Variants in ZNF134 observed in about 807,000 individuals in gnomAD.
The protein encoded by ZNF134 is zinc finger protein 134.
In ZNF134, 5 loss-of-function variants were observed where a neutral mutation model predicts 2.5. That is an observed-to-expected ratio of 2.03 (90% CI 1.06 to 4.27). The LOEUF (loss-of-function observed/expected upper bound fraction) is 4.27. ZNF134 is among the 30% of genes most tolerant of loss of function. The pLI is 0.00. For synonymous variants in ZNF134, 176 were observed against 176.2 expected, an observed-to-expected ratio of 1.00 and a Z score of 0.01; for missense variants, 540 against 517.5, an observed-to-expected ratio of 1.04 and a Z score of -0.42.
chr19:57,615,188 G>C (rs1322617313), intron 1 of ZNF134, among the ~76,000 whole-genome samples: 1 of 152,078 alleles, frequency 6.6e-6, no homozygotes, highest in Non-Finnish European at 1.5e-5. Context: ...TTTTGGACTT[G>C]GTGAATCTAA....
intron 2 of ZNF134, 36 bp from the exon 3 acceptor site, chr19:57,620,124 T>G: frequency 6.3e-7 from 1 of 1,585,716 alleles, no homozygotes; most frequent in Non-Finnish European, 8.6e-7. Flanking sequence ...CCCACCAAAG[T>G]CAGCATGTAC....
At chr19:57,616,193 C>T (rs1477186096) in intron 1 of ZNF134, among the ~76,000 whole-genome samples, 2 of 152,208 alleles carry the variant, frequency 1.3e-5, no homozygotes, top group East Asian at 1.9e-4. Flanking sequence ...TGAAGGATCA[C>T]TGCAGCTCCC....
rs1208626995 is a variant in ZNF134 at position 57,621,221 on chromosome 19, G to C, written c.1102G>C (p.Gly368Arg). 6.2e-7 allele frequency: 1 copy of C among 1,614,054 alleles called. No individual in the cohort carries two copies. Among genetic ancestry groups the C allele is most frequent in the African/African-American group, 1.3e-5 (1 of 74,906 alleles). ...TATTGCACACCAGAGGGTTCACACT[G>C]GTGAAAGGCCTTTTGTGTGCAGTAA... ...DYIAHQRVHT[G>R]ERPFVCSKCG... The change falls in exon 3 of 3, where the codon GGT becomes CGT. Residue 368 changes from glycine to arginine, a missense_variant. Transcript: ENST00000396161.
chr19:57,616,616 G>A (rs778454480), intron 1 of ZNF134, among the ~76,000 whole-genome samples: 63 of 152,190 alleles, frequency 4.1e-4, no homozygotes, highest in Non-Finnish European at 1.3e-4. Flanking sequence ...CCAGCACTGA[G>A]ATCTGAGTAT....
At position 57,621,325 on chromosome 19, in the gene ZNF134, C is replaced by T; in HGVS notation, c.1206C>T (p.Cys402=). The T allele has an allele frequency of 6.2e-7, 1 of 1,614,186 alleles. No homozygotes were observed. Among genetic ancestry groups the T allele is most frequent in the East Asian group, 2.2e-5 (1 of 44,884 alleles). The change falls in exon 3 of 3, where the codon TGC becomes TGT. Residue 402 remains cysteine (C), a synonymous_variant. Coordinates refer to ENST00000396161, the MANE Select transcript of ZNF134 (RefSeq NM_003435.5). ...ACACTGGAGAAAGGCCATATGAGTGCAGTGAATGTGGGAAGGCCTACAGCT... is the reference window on the plus strand; with the variant it reads ...ACACTGGAGAAAGGCCATATGAGTGTAGTGAATGTGGGAAGGCCTACAGCT... ...RVHTGERPYE[C]SECGKAYSLS... is the part of the protein sequence containing the mutation.
chr19:57,616,825 C>T (rs1383577968), intron 1 of ZNF134, among the ~76,000 whole-genome samples: 1 of 152,128 alleles, frequency 6.6e-6, no homozygotes, highest in Non-Finnish European at 1.5e-5. Context: ...CCTCACTTAG[C>T]CCAACACACC....
intron 1 of ZNF134, among the ~76,000 whole-genome samples, chr19:57,615,686 A>G (rs1466259232): frequency 2.0e-5 from 3 of 152,170 alleles, no homozygotes; most frequent in Non-Finnish European, 4.4e-5. Context: ...GGACCGCTTA[A>G]TCTAAGCTGA....
intron 1 of ZNF134, among the ~76,000 whole-genome samples, chr19:57,618,536 C>A (rs1214462997): frequency 1.3e-5 from 2 of 152,174 alleles, no homozygotes; most frequent in Non-Finnish European, 2.9e-5. Context: ...CCCCAGGGAG[C>A]TGGCTGATAG....
intron 1 of ZNF134, among the ~76,000 whole-genome samples, chr19:57,615,572 T>C (rs1981028244): frequency 1.3e-5 from 2 of 152,132 alleles, no homozygotes; most frequent in Non-Finnish European, 2.9e-5. Flanking sequence ...CTGCCTGTGT[T>C]AATCACGATC....
chr19:57,621,267 G>A lies in ZNF134; in HGVS notation c.1148G>A (p.Arg383Lys). The A allele has an allele frequency of 6.2e-7, 1 of 1,613,910 alleles. No individual in the cohort carries two copies. Among genetic ancestry groups the A allele is most frequent in the Non-Finnish European group, 8.5e-7 (1 of 1,179,988 alleles). ...VCSKCGKDFI[R>K]TSHLVRHQRV... ...AGTAAATGTGGGAAAGACTTTATCA[G>A]AACCTCCCACCTTGTTCGACACCAA... The change falls in exon 3 of 3, where the codon AGA becomes AAA. Residue 383 changes from arginine to lysine, a missense_variant. Physicochemically the swap from Arg to Lys is conservative, Grantham distance 26. Coordinates refer to ENST00000396161, the MANE Select transcript of ZNF134 (RefSeq NM_003435.5).
In ZNF134 at chr19:57,620,546, G is replaced by C. The variant is rs1453384598; in HGVS notation, c.427G>C (p.Ala143Pro). The C allele has an allele frequency of 6.2e-7, 1 of 1,614,200 alleles. No homozygotes were observed. Among genetic ancestry groups the C allele is most frequent in the Non-Finnish European group, 8.5e-7 (1 of 1,180,044 alleles). ...TAAGGAGGAGCAGAAAAACTTCCAG[G>C]CTACTTTGGGTGGCTGCCAACAAAA... is the stretch of plus-strand genomic sequence containing the variant. ...TCKEEQKNFQ[A>P]TLGGCQQKAI... The change falls in exon 3 of 3, where the codon GCT becomes CCT. Residue 143 changes from alanine to proline, a missense_variant. Coordinates refer to ENST00000396161, the MANE Select transcript of ZNF134 (RefSeq NM_003435.5).
At chr19:57,619,536 C>T in intron 2 of ZNF134, 28 bp downstream of exon 2, 1 of 1,580,588 alleles carries the variant, frequency 6.3e-7, no homozygotes, top group Middle Eastern at 1.7e-4. Flanking sequence ...GACGCCATAA[C>T]CTCAGGGCTG....
Position 57,614,463 on chromosome 19 carries a change from G to A in ZNF134, c.-98G>A, listed in dbSNP as rs1034156898. On this transcript the variant is annotated 5_prime_UTR_variant, in exon 1 of 3. Coordinates refer to ENST00000396161, the MANE Select transcript of ZNF134 (RefSeq NM_003435.5). ...CCCCTCGCGGCTCCGGGTGGTCTAC[G>A]AACTGTGATGGCGGCGGCCGCGGTG... The A allele has an allele frequency of 5.9e-5, 25 of 422,298 alleles. No individual in the cohort carries two copies. Among genetic ancestry groups the A allele is most frequent in the African/African-American group, 5.0e-4 (24 of 48,368 alleles). 26.2% of individuals were successfully genotyped at this position (422,298 alleles called of 1,614,324 possible). A position where few individuals can be genotyped will look rare whatever the true frequency, so the allele number is the denominator to read the frequency against.
Position 57,621,667 on chromosome 19 carries a change from GA to G in ZNF134, c.*267del. The G allele has an allele frequency of 1.6e-6, 1 of 619,160 alleles. No individual in the cohort carries two copies. The highest frequency in any genetic ancestry group is 1.6e-5 in the South Asian group (1 of 61,198). 38.4% of individuals were successfully genotyped at this position (619,160 alleles called of 1,614,324 possible). A position where few individuals can be genotyped will look rare whatever the true frequency, so the allele number is the denominator to read the frequency against. On this transcript the variant is annotated 3_prime_UTR_variant, in exon 3 of 3. Coordinates refer to ENST00000396161, the MANE Select transcript of ZNF134 (RefSeq NM_003435.5). Reference sequence around the variant, plus strand: ...TTGTCCAGTCCCTGGAGAAAATCATGAAATGCCTGAGTTCATTGGGGGTCCT... The same window carrying G: ...TTGTCCAGTCCCTGGAGAAAATCATGAATGCCTGAGTTCATTGGGGGTCCT...
chr19:57,615,565 C>T (rs921945005), intron 1 of ZNF134, among the ~76,000 whole-genome samples: 3 of 152,064 alleles, frequency 2.0e-5, no homozygotes, highest in South Asian at 4.1e-4. Context: ...AAGTGTGCTG[C>T]CTGTGTTAAT....
chr19:57,619,303 C>T (rs1325646619), intron 1 of ZNF134, 109 bp from the exon 2 acceptor site: 6 of 867,582 alleles, frequency 6.9e-6, no homozygotes, highest in Non-Finnish European at 1.1e-5. Flanking sequence ...GGACAATTTT[C>T]TGAGGTTCAT....
chr19:57,620,215 AGC>A lies in ZNF134; in HGVS notation c.97_98del (p.Ala33SerfsTer5), dbSNP rs765003435. ...ESSSEQSISI[A>X]VSHVNTSKAG... ...CATCTTCTGAACAGAGCATTTCTATAGCAGTGTCACATGTTAATACTTCCAAG... is the reference window on the plus strand; with the variant it reads ...CATCTTCTGAACAGAGCATTTCTATAAGTGTCACATGTTAATACTTCCAAG... On this transcript the variant is annotated frameshift_variant, in exon 3 of 3. Coordinates refer to ENST00000396161, the MANE Select transcript of ZNF134 (RefSeq NM_003435.5). LOFTEE classifies it low-confidence loss of function (END_TRUNC). The A allele has an allele frequency of 1.2e-6, 2 of 1,614,242 alleles. No homozygotes were observed. Among genetic ancestry groups the A allele is most frequent in the Non-Finnish European group, 1.7e-6 (2 of 1,180,050 alleles).
intron 1 of ZNF134, chr19:57,618,935 G>A (rs916085103): frequency 2.5e-5 from 4 of 157,136 alleles, no homozygotes; most frequent in Non-Finnish European, 5.6e-5. Context: ...TTTTGCCCTA[G>A]GGGTTGCTCT....
Position 57,621,606 on chromosome 19 carries a change from A to C in ZNF134, c.*203A>C, listed in dbSNP as rs920773926. 2 of 827,198 alleles carry C rather than the reference A, an allele frequency of 2.4e-6. No individual in the cohort carries two copies. The highest frequency in any genetic ancestry group is 4.2e-6 in the Non-Finnish European group (2 of 478,814). The allele number at this position is 827,198 out of a possible 1,614,324, so 51.2% of individuals were successfully genotyped here. Reference sequence around the variant, plus strand: ...CGAAACCATCTTAACTCTACCAGCTAAGATACCCCAGCATTGGGGAAGGCA... The same window carrying C: ...CGAAACCATCTTAACTCTACCAGCTCAGATACCCCAGCATTGGGGAAGGCA... On this transcript the variant is annotated 3_prime_UTR_variant, in exon 3 of 3. Coordinates refer to ENST00000396161, the MANE Select transcript of ZNF134 (RefSeq NM_003435.5).
Sources: gnomAD v4.1 joint callset for allele counts (sites outside exome capture counted in the v4.1 genomes callset) on GRCh38, gnomAD v4.1.1 for gene constraint, MANE v1.5 for transcripts, NCBI Gene and HGNC (gene_info 2026-07-23, HGNC 2026-07-21) for gene names.